GTPBP4: variants seen among roughly 807,000 people sequenced by gnomAD.
The protein encoded by GTPBP4 is GTP-binding protein 4.
A neutral mutation model predicts 81.7 loss-of-function variants in GTPBP4; 15 were observed. That is an observed-to-expected ratio of 0.18 (90% CI 0.12 to 0.28). The LOEUF is 0.28. Ranked by LOEUF, GTPBP4 falls within the 10% of genes least tolerant of loss-of-function variation. GTPBP4 has a pLI of 1.00. For missense variants in GTPBP4, 847 were observed against 793.8 expected (o/e 1.07, Z -0.81); for synonymous variants, 272 against 274.6 (o/e 0.99, Z 0.09).
At chr10:992,713 C>G in intron 2 of GTPBP4, 54 bp downstream of exon 2, 1 of 1,064,368 alleles carries the variant, frequency 9.4e-7, no homozygotes, top group Non-Finnish European at 1.4e-6. Context: ...TTCAGAGAAC[C>G]AGTGTTTAAC....
chr10:1,014,843 A>C (rs941292522), intron 15 of GTPBP4, among the ~76,000 whole-genome samples: 3 of 150,252 alleles, frequency 2.0e-5, no homozygotes, highest in Non-Finnish European at 4.4e-5. Flanking sequence ...TTGAGGCTGC[A>C]CTCCAGCCTG....
In GTPBP4 at chr10:1,017,240, T is replaced by A. The variant is rs752580538; in HGVS notation, c.*13T>A. 1 of 1,612,276 alleles carries A rather than the reference T, an allele frequency of 6.2e-7. No individual in the cohort carries two copies. Among genetic ancestry groups the A allele is most frequent in the Non-Finnish European group, 8.5e-7 (1 of 1,178,682 alleles). On this transcript the variant is annotated 3_prime_UTR_variant, in exon 17 of 17. Coordinates refer to ENST00000360803, the MANE Select transcript of GTPBP4 (RefSeq NM_012341.3). ...GGACAGGAGATAGTATCCGTTTGGTTGGCGTGGCTTCGCTAGAGTGTTGCT... is the reference window on the plus strand; with the variant it reads ...GGACAGGAGATAGTATCCGTTTGGTAGGCGTGGCTTCGCTAGAGTGTTGCT...
In GTPBP4 at chr10:1,017,349, T is replaced by A; in HGVS notation, c.*122T>A. 1.1e-6 allele frequency: 1 copy of A among 933,272 alleles called. No homozygotes were observed. Among genetic ancestry groups the A allele is most frequent in the African/African-American group, 1.6e-5 (1 of 60,990 alleles). 57.8% of individuals were successfully genotyped at this position (933,272 alleles called of 1,614,324 possible). ...AAAAAGACAAAATAAGTAAAGCACT[T>A]GTTGCTTTGCTGAAAACTATGGTTA... On this transcript the variant is annotated 3_prime_UTR_variant, in exon 17 of 17. Coordinates refer to ENST00000360803, the MANE Select transcript of GTPBP4 (RefSeq NM_012341.3).
intron 8 of GTPBP4, among the ~76,000 whole-genome samples, chr10:1,005,446 T>G (rs1473521440): frequency 6.6e-6 from 1 of 152,056 alleles, no homozygotes; most frequent in East Asian, 1.9e-4. Context: ...GCCTGGCCCC[T>G]GGTGTTTTCT....
At chr10:1,006,220 C>G (rs908543361) in intron 9 of GTPBP4, among the ~76,000 whole-genome samples, 3 of 152,200 alleles carry the variant, frequency 2.0e-5, no homozygotes, top group African/African-American at 7.2e-5. Flanking sequence ...TTTTATGGAA[C>G]CTGTTCGAAG....
chr10:1,009,216 G>A (rs1189333760), intron 11 of GTPBP4, among the ~76,000 whole-genome samples, 181 bp downstream of exon 11: 1 of 152,212 alleles, frequency 6.6e-6, no homozygotes, highest in Non-Finnish European at 1.5e-5. Flanking sequence ...TTTGGCCTGA[G>A]GGAAGATGGC....
chr10:1,016,451 G>A (rs1470682373), intron 16 of GTPBP4, among the ~76,000 whole-genome samples: 1 of 152,238 alleles, frequency 6.6e-6, no homozygotes, highest in Non-Finnish European at 1.5e-5. Flanking sequence ...TAGTTTCAGC[G>A]TTGTGGTAAT....
At chr10:1,013,985 TCC>T (rs1831928178) in intron 14 of GTPBP4, among the ~76,000 whole-genome samples, 1 of 152,174 alleles carries the variant, frequency 6.6e-6, no homozygotes, top group Non-Finnish European at 1.5e-5. Context: ...GGTCACTCTC[TCC>T]CCCGTGTTGC....
intron 4 of GTPBP4, 111 bp downstream of exon 4, chr10:996,353 G>C (rs1281779450): frequency 1.1e-6 from 1 of 872,200 alleles, no homozygotes; most frequent in African/African-American, 1.7e-5. Flanking sequence ...GACAGGGTCA[G>C]TTATTCTTCC....
At chr10:997,412 A>C (rs1459436258) in intron 5 of GTPBP4, 104 bp downstream of exon 5, 42 of 773,236 alleles carry the variant, frequency 5.4e-5, no homozygotes, top group Non-Finnish European at 8.2e-5. Context: ...GGTCAGTGTT[A>C]ACTGTATTCT....
At chr10:1,013,826 G>A (rs1831924919) in intron 14 of GTPBP4, among the ~76,000 whole-genome samples, 1 of 152,154 alleles carries the variant, frequency 6.6e-6, no homozygotes, top group African/African-American at 2.4e-5. Context: ...TTCACATGGT[G>A]GCAAGTGACT....
chr10:992,583 T>G lies in GTPBP4; in HGVS notation c.143T>G (p.Met48Arg). The change falls in exon 2 of 17, where the codon ATG becomes AGG. Residue 48 changes from methionine (M) to arginine (R), a missense_variant. This residue lies in a region of GTPBP4 where 241 missense variants were observed against 216.3 expected (regional missense o/e 1.11). Coordinates refer to ENST00000360803, the MANE Select transcript of GTPBP4 (RefSeq NM_012341.3). Reference protein sequence around the residue: ...YQIHRIRHFYMRKVKFTQQNY... With the variant: ...YQIHRIRHFYRRKVKFTQQNY... ...ATACATCGCATTAGACATTTTTACATGAGAAAAGTCAAATTTACTCAACAG... is the reference window on the plus strand; with the variant it reads ...ATACATCGCATTAGACATTTTTACAGGAGAAAAGTCAAATTTACTCAACAG... 1 of 1,601,370 alleles carries G rather than the reference T, an allele frequency of 6.2e-7. No individual in the cohort carries two copies. The highest frequency in any genetic ancestry group is 8.6e-7 in the Non-Finnish European group (1 of 1,168,726).
rs368580173 is a variant in GTPBP4 at position 1,005,814 on chromosome 10, C to A, written c.913-4C>A. 1 of 1,544,814 alleles carries A rather than the reference C, an allele frequency of 6.5e-7. No homozygotes were observed. The highest frequency in any genetic ancestry group is 2.2e-5 in the East Asian group (1 of 44,570). On this transcript the variant is annotated splice_polypyrimidine_tract_variant and splice_region_variant and intron_variant, in intron 8 of 16. Coordinates refer to ENST00000360803, the MANE Select transcript of GTPBP4 (RefSeq NM_012341.3). ...CATCTCTCGTTTTTTCTTTGCATTC[C>A]CAGAAAATATTTACAGATTTGCAGT...
intron 12 of GTPBP4, among the ~76,000 whole-genome samples, chr10:1,009,914 G>A (rs191622353): frequency 5.3e-5 from 8 of 152,318 alleles, no homozygotes; most frequent in Admixed American, 5.2e-4. Context: ...AGGATCACTT[G>A]ACCCTAGGAG....
rs752779508 is a variant in GTPBP4 at position 996,086 on chromosome 10, A to G, written c.324-20A>G. On this transcript the variant is annotated intron_variant, in intron 3 of 16. Transcript: ENST00000360803. ...TAAGTTATCGAAAGTGGAAAAAATA[A>G]TATTTTTTATTTTTTACAGTGTTGC... 2.4e-5 allele frequency: 20 copies of G among 843,012 alleles called. No homozygotes were observed. The South Asian group carries it at 4.6e-4, about 19-fold the overall frequency. 52.2% of individuals were successfully genotyped at this position (843,012 alleles called of 1,614,324 possible). A position where few individuals can be genotyped will look rare whatever the true frequency, so the allele number is the denominator to read the frequency against.
Position 988,437 on chromosome 10 carries a change from A to C in GTPBP4, c.-43A>C, listed in dbSNP as rs1208936773. 1 of 1,580,666 alleles carries C rather than the reference A, an allele frequency of 6.3e-7. No individual in the cohort carries two copies. The highest frequency in any genetic ancestry group is 2.2e-5 in the East Asian group (1 of 44,622). On this transcript the variant is annotated 5_prime_UTR_variant, in exon 1 of 17. Transcript: ENST00000360803. ...AGTCCCACCTGCGCCCGACGGCGGA[A>C]GTTCCGGGAGTGCCAAGTACCCGCG...
chr10:1,012,386 C>G (rs1315045064), intron 13 of GTPBP4, 79 bp from the exon 14 acceptor site: 1 of 962,752 alleles, frequency 1.0e-6, no homozygotes, highest in East Asian at 2.6e-5. Context: ...ACAAAGCTCC[C>G]ATACACACTC....
chr10:1,013,124 C>T (rs1045302058), intron 14 of GTPBP4, among the ~76,000 whole-genome samples: 2 of 151,756 alleles, frequency 1.3e-5, no homozygotes, highest in Middle Eastern at 3.4e-3. Context: ...GCTGGGATTA[C>T]AGGCACCTGC....
intron 1 of GTPBP4, among the ~76,000 whole-genome samples, chr10:990,363 A>T (rs578041091): frequency 3.3e-5 from 5 of 152,174 alleles, no homozygotes; most frequent in Non-Finnish European, 4.4e-5. Context: ...TGTCCTGTGC[A>T]TCGGGTACTG....
Sources: allele counts gnomAD v4.1 joint callset (sites outside exome capture counted in the v4.1 genomes callset), GRCh38; gene constraint gnomAD v4.1.1; regional missense constraint gnomAD v4.1.1; transcripts MANE v1.5; gene names NCBI Gene and HGNC (gene_info 2026-07-23, HGNC 2026-07-21).